The following USP9X variants were observed in gnomAD, a reference collection of about 807,000 sequenced individuals.
USP9X encodes the protein ubiquitin carboxyl-terminal hydrolase 9X.
USP9X carries 7 observed loss-of-function variants against 190.3 expected under a neutral mutation model. That is an observed-to-expected ratio of 0.04 (90% CI 0.02 to 0.07). The LOEUF (loss-of-function observed/expected upper bound fraction) is 0.07. USP9X is among the 10% of genes least tolerant of loss of function. The pLI is 1.00. For missense variants in USP9X, 1,010 were observed against 1,916.9 expected, an observed-to-expected ratio of 0.53 and a Z score of 8.83; for synonymous variants, 645 against 659.5, an observed-to-expected ratio of 0.98 and a Z score of 0.34.
At chrX:41,209,143 A>G (rs2063135641) in intron 32 of USP9X, among the ~76,000 whole-genome samples, 2 of 111,990 alleles carry the variant, frequency 1.8e-5, no homozygotes, top group South Asian at 7.4e-4. Flanking sequence ...TATCCAAGTA[A>G]TATAATAACG....
chrX:41,211,920 G>A, intron 33 of USP9X, among the ~76,000 whole-genome samples: 1 of 110,488 alleles, frequency 9.1e-6, no homozygotes, highest in Middle Eastern at 4.7e-3. Context: ...ACTGGGAAGT[G>A]AGGAGCCCCT....
chrX:41,178,076 G>GTT (rs1235105116), intron 21 of USP9X, among the ~76,000 whole-genome samples: 2 of 93,011 alleles, frequency 2.2e-5, no homozygotes, highest in Admixed American at 2.4e-4. Context: ...AAAATCCGAG[G>GTT]TTTAAATCTT....
At position 41,140,943 on chromosome X, in the gene USP9X, GTT is replaced by G. The variant is rs1569165582; in HGVS notation, c.771-20_771-19del. 3.5e-6 allele frequency: 4 copies of G among 1,154,746 alleles called. No individual in the cohort carries two copies. The East Asian group carries it at 1.2e-4, about 35-fold the overall frequency. On this transcript the variant is annotated intron_variant, in intron 7 of 44. Coordinates refer to ENST00000378308, the MANE Select transcript of USP9X (RefSeq NM_001039591.3). ...TTTAAGAAATTGCGTATTTACAGGA[GTT>G]TTGTATCTTTCTTATTTCAGACCAT... is the stretch of plus-strand genomic sequence containing the variant.
At chrX:41,120,199 A>G (rs1289074505) in intron 1 of USP9X, among the ~76,000 whole-genome samples, 3 of 111,288 alleles carry the variant, frequency 2.7e-5, no homozygotes, top group East Asian at 5.7e-4. Flanking sequence ...TTTAAGAGCT[A>G]TGGACTCCCT....
At chrX:41,226,302 T>G (rs764809519) in intron 41 of USP9X, among the ~76,000 whole-genome samples, 1 of 112,053 alleles carries the variant, frequency 8.9e-6, no homozygotes, top group South Asian at 3.7e-4. Flanking sequence ...TTTGGGGGTT[T>G]TTTTGTAGTA....
At chrX:41,157,697 C>A (rs2062591505) in intron 14 of USP9X, among the ~76,000 whole-genome samples, 1 of 111,454 alleles carries the variant, frequency 9.0e-6, no homozygotes, top group South Asian at 3.8e-4. Flanking sequence ...TGTTGCATAT[C>A]TAACATGTCC....
At chrX:41,117,795 G>A (rs916522440) in intron 1 of USP9X, among the ~76,000 whole-genome samples, 4 of 108,394 alleles carry the variant, frequency 3.7e-5, no homozygotes, top group Non-Finnish European at 7.6e-5. Context: ...TCCTGACCTC[G>A]TGATCCGCAC....
At chrX:41,146,923 G>A (rs1465406139) in intron 11 of USP9X, among the ~76,000 whole-genome samples, 1 of 109,359 alleles carries the variant, frequency 9.1e-6, no homozygotes, top group Non-Finnish European at 1.9e-5. Context: ...AAAAATTCAC[G>A]ATACCATTAT....
chrX:41,166,315 G>A (rs902402406), intron 16 of USP9X, 101 bp downstream of exon 16: 2 of 630,393 alleles, frequency 3.2e-6, no homozygotes, highest in Non-Finnish European at 4.6e-6. Flanking sequence ...TTACTCTGAT[G>A]TTTGTCTCAG....
intron 44 of USP9X, 90 bp downstream of exon 44, chrX:41,230,686 AAAGT>A: frequency 3.8e-6 from 3 of 787,149 alleles, no homozygotes; most frequent in South Asian, 2.5e-5. Flanking sequence ...TTGTGACTAC[AAAGT>A]AAGAAGTAGG....
intron 41 of USP9X, among the ~76,000 whole-genome samples, chrX:41,226,562 G>A (rs1192901178): frequency 8.9e-6 from 1 of 112,204 alleles, no homozygotes; most frequent in African/African-American, 3.2e-5. Flanking sequence ...TGGAGTTTTA[G>A]TGGGGATTGC....
chrX:41,147,334 C>A (rs772446037), intron 11 of USP9X, among the ~76,000 whole-genome samples: 1 of 109,727 alleles, frequency 9.1e-6, no homozygotes, highest in Admixed American at 9.7e-5. Context: ...TGTCATATTC[C>A]TTTTGTTATT....
At position 41,085,950 on chromosome X, in the gene USP9X, C is replaced by T. The variant is rs1245667005; in HGVS notation, c.-318C>T. 3.4e-6 allele frequency: 1 copy of T among 297,154 alleles called. No homozygotes were observed. Among genetic ancestry groups the T allele is most frequent in the East Asian group, 4.8e-5 (1 of 20,968 alleles). 24.5% of individuals were successfully genotyped at this position (297,154 alleles called of 1,213,427 possible). A position where few individuals can be genotyped will look rare whatever the true frequency, so the allele number is the denominator to read the frequency against. ...CTTTTGGTTGAGACGCCCGCAGCCCCGAGCCCGGCCGCCGCAGCCTTTCGA... is the reference window on the plus strand; with the variant it reads ...CTTTTGGTTGAGACGCCCGCAGCCCTGAGCCCGGCCGCCGCAGCCTTTCGA... On this transcript the variant is annotated 5_prime_UTR_variant, in exon 1 of 45. Transcript: ENST00000378308.
At chrX:41,201,335 C>T in intron 31 of USP9X, 55 bp downstream of exon 31, 3 of 1,057,545 alleles carry the variant, frequency 2.8e-6, no homozygotes, top group Non-Finnish European at 4.0e-6. Context: ...ATACCAGATA[C>T]TATTCTCTCT....
At chrX:41,105,344 C>G (rs770253388) in intron 1 of USP9X, among the ~76,000 whole-genome samples, 37 of 111,686 alleles carry the variant, frequency 3.3e-4, no homozygotes, top group Non-Finnish European at 5.6e-4. Flanking sequence ...AAGTGGCAAC[C>G]ACTATTCTAC....
At chrX:41,181,931 G>A (rs2062830794) in intron 21 of USP9X, among the ~76,000 whole-genome samples, 1 of 111,583 alleles carries the variant, frequency 9.0e-6, no homozygotes. Flanking sequence ...ATTATGACTG[G>A]CTTAAATTTT....
Position 41,184,014 on chromosome X carries a change from A to G in USP9X, c.3165A>G (p.Glu1055=), listed in dbSNP as rs2062851169. 8.3e-7 allele frequency: 1 copy of G among 1,201,446 alleles called. No homozygotes were observed. Among genetic ancestry groups the G allele is most frequent in the African/African-American group, 1.7e-5 (1 of 57,312 alleles). ...TTCCTCCAGATAGCACAACGATAGA[A>G]AAATTAAGAGCTATTTGTTTAGACC... ...KLMPPDSTTI[E]KLRAICLDHA... Residue 1055 remains glutamate, a synonymous_variant, in exon 22 of 45, where the codon GAA becomes GAG. Coordinates refer to ENST00000378308, the MANE Select transcript of USP9X (RefSeq NM_001039591.3).
rs1174707132 is a variant in USP9X at position 41,123,651 on chromosome X, C to T, written c.23C>T (p.Ser8Phe). Residue 8 changes from serine to phenylalanine, a missense_variant, in exon 2 of 45, where the codon TCT (serine) becomes TTT (phenylalanine). Ser to Phe is a radical substitution (Grantham distance 155). Coordinates refer to ENST00000378308, the MANE Select transcript of USP9X (RefSeq NM_001039591.3). MTATTRG[S>F]PVGGNDNQGQ... Reference sequence around the variant, plus strand: ...AGTATGACAGCCACGACTCGTGGCTCTCCGGTCGGAGGGAATGACAACCAG... The same window carrying T: ...AGTATGACAGCCACGACTCGTGGCTTTCCGGTCGGAGGGAATGACAACCAG... 2 of 1,211,563 alleles carry T rather than the reference C, an allele frequency of 1.7e-6. No individual in the cohort carries two copies. Among genetic ancestry groups the T allele is most frequent in the Non-Finnish European group, 2.2e-6 (2 of 895,365 alleles).
chrX:41,184,216 T>C, intron 22 of USP9X, 88 bp downstream of exon 22: 6 of 1,042,275 alleles, frequency 5.8e-6, no homozygotes, highest in South Asian at 2.4e-5. Flanking sequence ...ACCTTTCATA[T>C]GGTAAGGTGA....
Sources: gnomAD v4.1 joint callset for allele counts (sites outside exome capture counted in the v4.1 genomes callset) on GRCh38, gnomAD v4.1.1 for gene constraint, MANE v1.5 for transcripts, NCBI Gene and HGNC (gene_info 2026-07-23, HGNC 2026-07-21) for gene names.